The following ZNF407 variants were observed in gnomAD, a reference collection of about 807,000 sequenced individuals.
ZNF407 encodes the protein zinc finger protein 407.
Under a neutral mutation model 131.2 loss-of-function variants are expected in ZNF407, and 17 were observed. The observed-to-expected ratio is 0.13, with a 90% CI of 0.09 to 0.19. The LOEUF (loss-of-function observed/expected upper bound fraction) is 0.19. Among genes scored for constraint, ZNF407 ranks in the 10% least tolerant of loss-of-function variants. The pLI, the probability that ZNF407 is intolerant of heterozygous loss-of-function variation, is 1.00. For missense variants in ZNF407, 2,681 were observed against 2,830.6 expected (o/e 0.95, Z 1.20); for synonymous variants, 1,156 against 1,062.0 (o/e 1.09, Z -1.72).
intron 8 of ZNF407, among the ~76,000 whole-genome samples, chr18:75,041,867 T>C (rs1407187575): frequency 1.6e-4 from 24 of 152,158 alleles, no homozygotes; most frequent in Admixed American, 1.6e-3. Flanking sequence ...AGCGACCGCC[T>C]CCGATGTCAC....
chr18:74,813,087 A>G (rs1270308317), intron 4 of ZNF407, among the ~76,000 whole-genome samples: 1 of 152,102 alleles, frequency 6.6e-6, no homozygotes, highest in Non-Finnish European at 1.5e-5. Context: ...ACAGGCCCCG[A>G]TGGTGTGATA....
chr18:74,712,478 C>A (rs1967789724), intron 3 of ZNF407, among the ~76,000 whole-genome samples: 1 of 152,180 alleles, frequency 6.6e-6, no homozygotes, highest in African/African-American at 2.4e-5. Flanking sequence ...TTGGTTAGTC[C>A]TTTTCCCAGT....
intron 7 of ZNF407, among the ~76,000 whole-genome samples, chr18:74,894,072 T>C (rs1568258657): frequency 6.6e-6 from 1 of 152,140 alleles, no homozygotes; most frequent in African/African-American, 2.4e-5. Context: ...AAAATAACTT[T>C]ATAATTGGTC....
At chr18:75,025,077 G>T (rs755123827) in intron 8 of ZNF407, among the ~76,000 whole-genome samples, 49 of 152,262 alleles carry the variant, frequency 3.2e-4, no homozygotes, top group Non-Finnish European at 5.7e-4. Flanking sequence ...CAGCCGTCGC[G>T]CAAAATGCAT....
intron 8 of ZNF407, among the ~76,000 whole-genome samples, chr18:74,970,994 T>C (rs1333541219): frequency 6.6e-6 from 1 of 152,228 alleles, no homozygotes; most frequent in Non-Finnish European, 1.5e-5. Context: ...TTCTGTGCAC[T>C]CGCAGGCTCA....
chr18:74,894,152 T>G (rs1971422946), intron 7 of ZNF407, among the ~76,000 whole-genome samples: 1 of 152,152 alleles, frequency 6.6e-6, no homozygotes. Flanking sequence ...TCTATTTAAA[T>G]GTAAACGTGT....
intron 4 of ZNF407, among the ~76,000 whole-genome samples, chr18:74,806,862 T>C (rs1170054882): frequency 1.3e-5 from 2 of 152,248 alleles, no homozygotes; most frequent in Non-Finnish European, 2.9e-5. Context: ...ATTCTAGGAC[T>C]ATGAGTCACC....
chr18:74,865,271 T>G (rs1290021233), intron 4 of ZNF407, among the ~76,000 whole-genome samples: 1 of 152,176 alleles, frequency 6.6e-6, no homozygotes, highest in Non-Finnish European at 1.5e-5. Context: ...AAAAATGTTT[T>G]AAAAAGAGAG....
chr18:74,923,448 G>A (rs567416387), intron 8 of ZNF407, among the ~76,000 whole-genome samples: 5 of 151,916 alleles, frequency 3.3e-5, no homozygotes, highest in Non-Finnish European at 5.9e-5. Context: ...GGTGAGTTTC[G>A]GTAAATTTTT....
intron 8 of ZNF407, among the ~76,000 whole-genome samples, chr18:75,020,041 AT>A (rs1205634193): frequency 1.3e-5 from 2 of 152,288 alleles, no homozygotes; most frequent in African/African-American, 4.8e-5. Flanking sequence ...CATCCTGGTC[AT>A]CAGATTGACT....
At chr18:74,791,736 T>C (rs540451411) in intron 4 of ZNF407, among the ~76,000 whole-genome samples, 1 of 152,288 alleles carries the variant, frequency 6.6e-6, no homozygotes, top group South Asian at 2.1e-4. Context: ...TTTAGCAGCA[T>C]TCTATTTTGC....
At chr18:74,666,084 G>A (rs1001635138) in intron 3 of ZNF407, among the ~76,000 whole-genome samples, 1 of 152,192 alleles carries the variant, frequency 6.6e-6, no homozygotes, top group African/African-American at 2.4e-5. Flanking sequence ...ATCCGAAGGT[G>A]CATGGTGACG....
intron 8 of ZNF407, among the ~76,000 whole-genome samples, chr18:74,993,681 C>A (rs1440290925): frequency 2.0e-5 from 3 of 151,964 alleles, no homozygotes; most frequent in Admixed American, 2.0e-4. Flanking sequence ...TGTTAAGAAA[C>A]AAAAAAATAC....
At chr18:74,618,105 T>C (rs1983391307) in intron 1 of ZNF407, among the ~76,000 whole-genome samples, 1 of 152,226 alleles carries the variant, frequency 6.6e-6, no homozygotes, top group Non-Finnish European at 1.5e-5. Context: ...GACCGCATTA[T>C]TTGGGTGCTC....
intron 3 of ZNF407, among the ~76,000 whole-genome samples, chr18:74,667,275 C>G (rs1202890454): frequency 6.6e-6 from 1 of 152,132 alleles, no homozygotes; most frequent in South Asian, 2.1e-4. Context: ...TTGCCATTGC[C>G]GATCTTTGAC....
chr18:74,614,116 A>C (rs1983181602), intron 1 of ZNF407, among the ~76,000 whole-genome samples: 1 of 152,260 alleles, frequency 6.6e-6, no homozygotes, highest in African/African-American at 2.4e-5. Flanking sequence ...AGTGCATGTT[A>C]ATTTGAAATA....
chr18:74,794,888 G>A (rs1969890993), intron 4 of ZNF407, among the ~76,000 whole-genome samples: 1 of 152,076 alleles, frequency 6.6e-6, no homozygotes. Flanking sequence ...ATGTATTTAT[G>A]AAAGTTAAAT....
At chr18:74,852,164 TACACAC>T (rs10539805) in intron 4 of ZNF407, among the ~76,000 whole-genome samples, 6,653 of 149,528 alleles carry the variant, frequency 0.044, 216 homozygotes, top group East Asian at 0.054. Context: ...GGATGCATGC[TACACAC>T]ACACACACAC....
At chr18:74,944,235 T>TA (rs1972130695) in intron 8 of ZNF407, among the ~76,000 whole-genome samples, 1 of 152,222 alleles carries the variant, frequency 6.6e-6, no homozygotes, top group African/African-American at 2.4e-5. Context: ...TTTTTTAATT[T>TA]AAAAAGTCTG....
Sources: allele counts gnomAD v4.1 joint callset (sites outside exome capture counted in the v4.1 genomes callset), GRCh38; gene constraint gnomAD v4.1.1; transcripts MANE v1.5; gene names NCBI Gene and HGNC (gene_info 2026-07-23, HGNC 2026-07-21).